CADPS2: variants seen among roughly 807,000 people sequenced by gnomAD.
CADPS2 encodes calcium-dependent secretion activator 2.
A neutral mutation model predicts 172.5 loss-of-function variants in CADPS2; 93 were observed. The ratio of observed to expected loss-of-function variants is 0.54; its 90% CI spans 0.46 to 0.64. CADPS2 has a LOEUF of 0.64. Ranked by LOEUF, CADPS2 falls within the 30% of genes least tolerant of loss-of-function variation. The pLI, the probability that CADPS2 is intolerant of heterozygous loss-of-function variation, is 0.00. For synonymous variants in CADPS2, 546 were observed against 555.2 expected (o/e 0.98, Z 0.23); for missense variants, 1,420 against 1,565.9 (o/e 0.91, Z 1.57).
At chr7:122,634,742 T>C (rs1280816771) in intron 3 of CADPS2, among the ~76,000 whole-genome samples, 1 of 152,180 alleles carries the variant, frequency 6.6e-6, no homozygotes, top group Non-Finnish European at 1.5e-5. Flanking sequence ...GGTATATTGT[T>C]AGATCGTTAA....
At chr7:122,392,803 A>G (rs749386591) in intron 22 of CADPS2, among the ~76,000 whole-genome samples, 1 of 152,172 alleles carries the variant, frequency 6.6e-6, no homozygotes, top group Non-Finnish European at 1.5e-5. Context: ...AAGGTTTTCT[A>G]CTTGCACAAG....
At chr7:122,581,836 A>T (rs1390662573) in intron 6 of CADPS2, among the ~76,000 whole-genome samples, 1 of 152,128 alleles carries the variant, frequency 6.6e-6, no homozygotes, top group African/African-American at 2.4e-5. Context: ...TAAGAATCTG[A>T]ATGTTTTGTA....
At chr7:122,857,961 T>C (rs1443984447) in intron 1 of CADPS2, among the ~76,000 whole-genome samples, 3 of 152,110 alleles carry the variant, frequency 2.0e-5, no homozygotes, top group Admixed American at 6.5e-5. Flanking sequence ...TTAAAGGTGG[T>C]GCAGACCCAA....
chr7:122,546,707 C>G (rs954621035), intron 8 of CADPS2, among the ~76,000 whole-genome samples: 1 of 152,126 alleles, frequency 6.6e-6, no homozygotes, highest in African/African-American at 2.4e-5. Context: ...CCGACTTTGG[C>G]CCACTGCCAT....
chr7:122,431,893 C>T (rs1023662634), intron 17 of CADPS2, among the ~76,000 whole-genome samples: 2 of 118,384 alleles, frequency 1.7e-5, no homozygotes, highest in African/African-American at 6.9e-5. Flanking sequence ...TGCACACCAG[C>T]CTGGGTGACG....
At chr7:122,562,857 T>C (rs1411609921) in intron 7 of CADPS2, among the ~76,000 whole-genome samples, 6 of 152,168 alleles carry the variant, frequency 3.9e-5, no homozygotes, top group Admixed American at 2.6e-4. Context: ...AGTTAAAGTT[T>C]TGACTTTTCT....
chr7:122,331,879 G>A (rs1334807062), intron 28 of CADPS2: 1 of 152,134 alleles, frequency 6.6e-6, no homozygotes, highest in Admixed American at 6.5e-5. Flanking sequence ...CATAACTCCT[G>A]TGTTATTTCA....
In CADPS2 at chr7:122,490,227, A is replaced by G. The variant is rs61743033; in HGVS notation, c.1706T>C (p.Ile569Thr). 2.0e-4 allele frequency: 323 copies of G among 1,613,382 alleles called. No individual in the cohort carries two copies. In the African/African-American group the frequency reaches 3.9e-3, roughly 20 times the overall value. ...FNAVKEGDTVIFASDDEQDRI... is the reference protein window; with the variant it reads ...FNAVKEGDTVTFASDDEQDRI... Reference sequence around the variant, plus strand: ...GTCCTGTTCATCATCACTGGCAAAGATTACAGTATCTCCTTCTTTAACAGC... The same window carrying G: ...GTCCTGTTCATCATCACTGGCAAAGGTTACAGTATCTCCTTCTTTAACAGC... The change falls in exon 11 of 30, where the codon ATC becomes ACC. Residue 569 changes from isoleucine to threonine, a missense_variant. Coordinates refer to ENST00000449022, the MANE Select transcript of CADPS2 (RefSeq NM_017954.11).
chr7:122,438,239 G>T, intron 17 of CADPS2, 102 bp downstream of exon 17: 1 of 1,425,496 alleles, frequency 7.0e-7, no homozygotes, highest in Non-Finnish European at 9.8e-7. Flanking sequence ...CTTTGCCATG[G>T]CACAGGATTG....
intron 2 of CADPS2, among the ~76,000 whole-genome samples, chr7:122,689,047 A>C (rs2083990876): frequency 2.0e-5 from 3 of 152,264 alleles, no homozygotes; most frequent in Admixed American, 1.3e-4. Flanking sequence ...GGACCGGTGC[A>C]CATAGGGCTG....
chr7:122,651,372 T>C (rs1428190615), intron 3 of CADPS2, among the ~76,000 whole-genome samples: 3 of 152,066 alleles, frequency 2.0e-5, no homozygotes. Context: ...ATGTCCAAAA[T>C]GGTTAATGCC....
At chr7:122,672,779 C>T (rs1420982012) in intron 2 of CADPS2, among the ~76,000 whole-genome samples, 1 of 152,228 alleles carries the variant, frequency 6.6e-6, no homozygotes, top group African/African-American at 2.4e-5. Context: ...GGGCACACAA[C>T]TTATTCAGTG....
intron 3 of CADPS2, among the ~76,000 whole-genome samples, chr7:122,632,992 G>T (rs1423632981): frequency 5.9e-5 from 9 of 152,084 alleles, no homozygotes; most frequent in Non-Finnish European, 1.3e-4. Flanking sequence ...TTTTATCAAA[G>T]ATCAGATAGT....
intron 7 of CADPS2, among the ~76,000 whole-genome samples, chr7:122,564,726 C>T (rs1276218421): frequency 6.6e-6 from 1 of 152,114 alleles, no homozygotes; most frequent in Non-Finnish European, 1.5e-5. Context: ...ACGTTTATCA[C>T]AGCGTTAGTC....
rs1009894060 is a variant in CADPS2, at chr7:122,513,150, A to T, written c.1542+99T>A. On this transcript the variant is annotated intron_variant, in intron 9 of 29. Transcript: ENST00000449022. Reference sequence around the variant, plus strand: ...ATTTAAAGTGGCTTAAACATATTTTAATTTCTAAAACAGTAAATTTTGATA... The same window carrying T: ...ATTTAAAGTGGCTTAAACATATTTTTATTTCTAAAACAGTAAATTTTGATA... The T allele has an allele frequency of 6.5e-6, 5 of 772,246 alleles. No individual in the cohort carries two copies. The African/African-American group carries it at 7.1e-5, about 11-fold the overall frequency. 47.8% of individuals were successfully genotyped at this position (772,246 alleles called of 1,614,324 possible).
At chr7:122,417,095 T>C (rs550473890) in intron 17 of CADPS2, among the ~76,000 whole-genome samples, 21 of 152,320 alleles carry the variant, frequency 1.4e-4, no homozygotes, top group Admixed American at 1.3e-3. Flanking sequence ...CATTTTTTTT[T>C]CCTACAATAG....
chr7:122,536,983 G>A (rs1586959024), intron 8 of CADPS2, among the ~76,000 whole-genome samples: 1 of 151,940 alleles, frequency 6.6e-6, no homozygotes. Context: ...GAACACATGG[G>A]CACATAGAGG....
At chr7:122,721,430 A>G (rs965001991) in intron 2 of CADPS2, among the ~76,000 whole-genome samples, 1 of 152,180 alleles carries the variant, frequency 6.6e-6, no homozygotes, top group African/African-American at 2.4e-5. Context: ...AATAAACTAG[A>G]AAATCTAGAA....
At chr7:122,357,610 C>CA (rs1290595764) in intron 27 of CADPS2, among the ~76,000 whole-genome samples, 1 of 152,054 alleles carries the variant, frequency 6.6e-6, no homozygotes, top group African/African-American at 2.4e-5. Flanking sequence ...TGCTGTGTTC[C>CA]AAAAAATCCC....
Sources: allele counts gnomAD v4.1 joint callset (sites outside exome capture counted in the v4.1 genomes callset), GRCh38; gene constraint gnomAD v4.1.1; transcripts MANE v1.5; gene names NCBI Gene and HGNC (gene_info 2026-07-23, HGNC 2026-07-21).